The following SRL variants were observed in gnomAD, a reference collection of about 807,000 sequenced individuals.
The protein encoded by SRL is sarcalumenin.
Under a neutral mutation model 39.5 loss-of-function variants are expected in SRL, and 23 were observed. The ratio of observed to expected loss-of-function variants is 0.58; its 90% CI spans 0.42 to 0.82. The LOEUF (loss-of-function observed/expected upper bound fraction) is 0.82, where lower values mean the gene tolerates loss of function less well. SRL is among the 40% of genes least tolerant of loss of function. The pLI is 0.00. For synonymous variants in SRL, 272 were observed against 237.4 expected, an observed-to-expected ratio of 1.15 and a Z score of -1.34; for missense variants, 592 against 607.8, an observed-to-expected ratio of 0.97 and a Z score of 0.27.
intron 1 of SRL, among the ~76,000 whole-genome samples, chr16:4,233,387 T>C (rs1485093025): frequency 6.6e-6 from 1 of 152,164 alleles, no homozygotes; most frequent in East Asian, 1.9e-4. Context: ...CATGCTACAC[T>C]GTTCGTGATG....
chr16:4,205,478 A>G (rs1017778508), intron 1 of SRL, among the ~76,000 whole-genome samples: 1 of 152,186 alleles, frequency 6.6e-6, no homozygotes, highest in African/African-American at 2.4e-5. Context: ...CCACAGAAGG[A>G]AACATTCTGA....
intron 1 of SRL, among the ~76,000 whole-genome samples, chr16:4,233,241 T>C (rs1450140030): frequency 2.0e-5 from 3 of 152,204 alleles, no homozygotes; most frequent in Non-Finnish European, 2.9e-5. Flanking sequence ...AGAGCTAGTC[T>C]CATCCTGTCC....
Position 4,221,441 on chromosome 16 carries a change from G to C in SRL, c.62-16807C>G, listed in dbSNP as rs116808609. Among the ~76,000 whole-genome samples, 906 of 152,290 alleles carry C rather than the reference G, an allele frequency of 5.9e-3. 6 individuals carry two copies. The highest frequency in any genetic ancestry group is 0.021 in the African/African-American group (874 of 41,570). On this transcript the variant is annotated intron_variant, in intron 1 of 5. Coordinates refer to ENST00000399609, the MANE Select transcript of SRL (RefSeq NM_001098814.2). ...TTCCCAAAGGACTCCCCTGAAGAGA[G>C]GAAGGCTGAAGCCACAGCAGGGCTA...
intron 1 of SRL, among the ~76,000 whole-genome samples, chr16:4,228,828 G>C (rs936750865): frequency 1.3e-5 from 2 of 152,132 alleles, no homozygotes; most frequent in Non-Finnish European, 2.9e-5. Flanking sequence ...CCTCACTCTT[G>C]TTCCCCTCCA....
chr16:4,195,568 T>G lies in SRL; in HGVS notation c.595A>C (p.Lys199Gln), dbSNP rs1567173691. The G allele has an allele frequency of 1.2e-6, 2 of 1,614,144 alleles. No homozygotes were observed. The highest frequency in any genetic ancestry group is 8.5e-7 in the Non-Finnish European group (1 of 1,180,024). The change falls in exon 5 of 6, where the codon AAG becomes CAG. Residue 199 changes from lysine to glutamine, a missense_variant. Lys to Gln is a moderately conservative substitution (Grantham distance 53). Transcript: ENST00000399609. ...GCTAAATTACCTCTTTCTTGCTGCT[T>G]GCGGTTCTCGATGATGCCTGGTGTA... is the stretch of plus-strand genomic sequence containing the variant. ...VDTPGIIENR[K>Q]QQERGYPFND...
chr16:4,234,322 T>G (rs1055524468), intron 1 of SRL, among the ~76,000 whole-genome samples: 1 of 152,136 alleles, frequency 6.6e-6, no homozygotes, highest in African/African-American at 2.4e-5. Flanking sequence ...AATTATTGCT[T>G]TAATTCTGAT....
chr16:4,228,691 T>C (rs545197634), intron 1 of SRL, among the ~76,000 whole-genome samples: 156 of 150,414 alleles, frequency 1.0e-3, no homozygotes, highest in South Asian at 2.1e-3. Flanking sequence ...GCCAAGATCA[T>C]GCCACTGCAC....
At chr16:4,226,395 T>A (rs772607560) in intron 1 of SRL, among the ~76,000 whole-genome samples, 8 of 150,572 alleles carry the variant, frequency 5.3e-5, no homozygotes, top group Non-Finnish European at 7.4e-5. Flanking sequence ...GATGAACAGA[T>A]GAATGGATGG....
At position 4,190,849 on chromosome 16, in the gene SRL, A is replaced by C. The variant is rs979450318; in HGVS notation, c.*1304T>G. On this transcript the variant is annotated 3_prime_UTR_variant, in exon 6 of 6. Transcript: ENST00000399609. ...CATCAGGGAATGGAGAAGAAAGGAAAGGAAAAGCCATGGTGTGGAAACTGC... is the reference window on the plus strand; with the variant it reads ...CATCAGGGAATGGAGAAGAAAGGAACGGAAAAGCCATGGTGTGGAAACTGC... 2 of 176,182 alleles carry C rather than the reference A, an allele frequency of 1.1e-5. No individual in the cohort carries two copies. Among genetic ancestry groups the C allele is most frequent in the Non-Finnish European group, 2.4e-5 (2 of 84,074 alleles). 10.9% of individuals were successfully genotyped at this position (176,182 alleles called of 1,614,324 possible).
intron 1 of SRL, among the ~76,000 whole-genome samples, chr16:4,217,261 T>G (rs909584216): frequency 6.6e-6 from 1 of 152,068 alleles, no homozygotes; most frequent in Non-Finnish European, 1.5e-5. Flanking sequence ...ACTCTTTTTC[T>G]TTTTTTACAG....
intron 1 of SRL, among the ~76,000 whole-genome samples, chr16:4,233,999 C>G (rs115818890): frequency 3.9e-4 from 60 of 152,180 alleles, no homozygotes; most frequent in African/African-American, 1.4e-3. Context: ...TGTGTTCTCT[C>G]TCTCTTTTTT....
chr16:4,219,969 C>CTCTG (rs970654197), intron 1 of SRL, among the ~76,000 whole-genome samples: 4 of 151,928 alleles, frequency 2.6e-5, no homozygotes, highest in African/African-American at 9.7e-5. Flanking sequence ...GAAGATGGGA[C>CTCTG]CAGAAGAGCA....
intron 1 of SRL, among the ~76,000 whole-genome samples, chr16:4,233,074 G>C (rs534200379): frequency 3.3e-5 from 5 of 152,226 alleles, no homozygotes; most frequent in Non-Finnish European, 7.3e-5. Context: ...CTGAGAGAGC[G>C]GGGAATAGGG....
intron 1 of SRL, among the ~76,000 whole-genome samples, chr16:4,239,008 A>T (rs1466789841): frequency 6.6e-6 from 1 of 152,136 alleles, no homozygotes; most frequent in Non-Finnish European, 1.5e-5. Context: ...TGTCCCCTAC[A>T]GGCTTGCCCG....
chr16:4,207,616 CG>C (rs745839711), intron 1 of SRL: 3 of 443,654 alleles, frequency 6.8e-6, no homozygotes, highest in South Asian at 3.2e-5. Flanking sequence ...TGGACTTCCT[CG>C]GGGAGTTCAT....
intron 1 of SRL, among the ~76,000 whole-genome samples, chr16:4,226,965 C>T (rs1310618401): frequency 1.4e-5 from 2 of 138,658 alleles, no homozygotes; most frequent in African/African-American, 5.5e-5. Flanking sequence ...GATGCATGGA[C>T]GGGTGGATGA....
intron 3 of SRL, among the ~76,000 whole-genome samples, chr16:4,200,371 G>C (rs2052212088): frequency 6.6e-6 from 1 of 152,296 alleles, no homozygotes; most frequent in African/African-American, 2.4e-5. Flanking sequence ...CCACAAACAG[G>C]GCCCTTTCCT....
chr16:4,233,739 C>T (rs569910264), intron 1 of SRL, among the ~76,000 whole-genome samples: 1 of 152,188 alleles, frequency 6.6e-6, no homozygotes, highest in Admixed American at 6.5e-5. Flanking sequence ...AGCTGCCTTA[C>T]ACCTCTCCCT....
In SRL at chr16:4,230,483, C is replaced by T. The variant is rs142547907; in HGVS notation, c.61+11524G>A. Among the ~76,000 whole-genome samples, 473 of 151,430 alleles carry T rather than the reference C, an allele frequency of 3.1e-3. 7 individuals are homozygous for T. Among genetic ancestry groups the T allele is most frequent in the African/African-American group, 0.011 (464 of 41,216 alleles). Reference sequence around the variant, plus strand: ...GCAACCTCCACCTCCCGGGTTCAAGCGATTCTCCTGCCTCAGCCCCCCAAG... The same window carrying T: ...GCAACCTCCACCTCCCGGGTTCAAGTGATTCTCCTGCCTCAGCCCCCCAAG... On this transcript the variant is annotated intron_variant, in intron 1 of 5. Coordinates refer to ENST00000399609, the MANE Select transcript of SRL (RefSeq NM_001098814.2).
Sources: allele counts gnomAD v4.1 joint callset (sites outside exome capture counted in the v4.1 genomes callset), GRCh38; gene constraint gnomAD v4.1.1; transcripts MANE v1.5; gene names NCBI Gene and HGNC (gene_info 2026-07-23, HGNC 2026-07-21).